Variants in SNTG1 observed in about 807,000 individuals in gnomAD.
The protein encoded by SNTG1 is syntrophin gamma 1, also known as gamma-1-syntrophin.
Under a neutral mutation model 74.7 loss-of-function variants are expected in SNTG1, and 39 were observed. That is an observed-to-expected ratio of 0.52 (90% CI 0.40 to 0.68). SNTG1 has a LOEUF of 0.68. SNTG1 is among the 30% of genes least tolerant of loss of function. The pLI, the probability that SNTG1 is intolerant of heterozygous loss-of-function variation, is 0.00. For synonymous variants in SNTG1, 254 were observed against 217.1 expected (o/e 1.17, Z -1.49); for missense variants, 685 against 609.5 (o/e 1.12, Z -1.30).
intron 2 of SNTG1, among the ~76,000 whole-genome samples, chr8:50,251,276 C>A (rs2086635204): frequency 1.3e-5 from 2 of 151,634 alleles, no homozygotes; most frequent in South Asian, 4.2e-4. Flanking sequence ...TTACAGAAAA[C>A]CACCAAACCA....
chr8:50,346,767 C>A (rs2091490772), intron 2 of SNTG1, among the ~76,000 whole-genome samples: 1 of 152,222 alleles, frequency 6.6e-6, no homozygotes, highest in Non-Finnish European at 1.5e-5. Context: ...CATTAGTGAT[C>A]TGTGTAGAAG....
chr8:50,708,637 C>G (rs1387937682), intron 16 of SNTG1: 1 of 465,112 alleles, frequency 2.2e-6, no homozygotes. Flanking sequence ...AATGTACAGA[C>G]AAAACTAGAG....
At chr8:50,650,561 A>G in intron 13 of SNTG1, among the ~76,000 whole-genome samples, 1 of 152,172 alleles carries the variant, frequency 6.6e-6, no homozygotes, top group South Asian at 2.1e-4. Context: ...AAGATTCACT[A>G]GTTCCTCAAG....
At chr8:50,513,637 A>T (rs559211279) in intron 9 of SNTG1, among the ~76,000 whole-genome samples, 1 of 152,282 alleles carries the variant, frequency 6.6e-6, no homozygotes, top group East Asian at 1.9e-4. Flanking sequence ...CCCCAGCCTC[A>T]CTGCTGCCTT....
Position 50,485,346 on chromosome 8 carries a change from G to A in SNTG1, c.364-17432G>A, listed in dbSNP as rs192050944. 9.3e-4 allele frequency among the ~76,000 whole-genome samples: 141 copies of A among 152,266 alleles called. 3 individuals are homozygous for A. In the South Asian group the frequency reaches 0.011, roughly 12 times the overall value. On this transcript the variant is annotated intron_variant, in intron 8 of 18. Transcript: ENST00000642720. Reference sequence around the variant, plus strand: ...ACTTTGAATCCTTTTATGCAGACTAGATTTGGGCCAGGGTTTTTTACATAA... The same window carrying A: ...ACTTTGAATCCTTTTATGCAGACTAAATTTGGGCCAGGGTTTTTTACATAA...
intron 13 of SNTG1, among the ~76,000 whole-genome samples, chr8:50,636,548 T>C (rs1403550327): frequency 6.6e-6 from 1 of 152,140 alleles, no homozygotes; most frequent in Admixed American, 6.5e-5. Context: ...TTGGCAGGAC[T>C]GACTTCCAAT....
intron 2 of SNTG1, among the ~76,000 whole-genome samples, chr8:50,229,406 T>C (rs965302296): frequency 6.6e-6 from 1 of 151,368 alleles, no homozygotes; most frequent in Non-Finnish European, 1.5e-5. Context: ...TAGAGAAAGA[T>C]ATACTTTACT....
intron 15 of SNTG1, among the ~76,000 whole-genome samples, chr8:50,670,205 G>C (rs191332639): frequency 6.6e-6 from 1 of 152,278 alleles, no homozygotes; most frequent in Admixed American, 6.5e-5. Context: ...GATTAAGCAG[G>C]AGAAGGAAAT....
At chr8:50,615,963 A>T (rs1256415128) in intron 13 of SNTG1, among the ~76,000 whole-genome samples, 2 of 152,210 alleles carry the variant, frequency 1.3e-5, no homozygotes, top group Non-Finnish European at 2.9e-5. Flanking sequence ...GAAACCTGTA[A>T]AACAGGCCAG....
At chr8:50,023,077 G>T (rs907608876) in intron 1 of SNTG1, among the ~76,000 whole-genome samples, 1 of 152,170 alleles carries the variant, frequency 6.6e-6, no homozygotes, top group Non-Finnish European at 1.5e-5. Flanking sequence ...GGTCCCCAAG[G>T]GGAGATCAAC....
At chr8:50,468,126 A>G (rs186769358) in intron 8 of SNTG1, among the ~76,000 whole-genome samples, 1 of 152,130 alleles carries the variant, frequency 6.6e-6, no homozygotes, top group East Asian at 1.9e-4. Context: ...TGTAAATGGT[A>G]TATTCTATAA....
chr8:50,251,432 G>A (rs2086642564), intron 2 of SNTG1, among the ~76,000 whole-genome samples: 1 of 151,800 alleles, frequency 6.6e-6, no homozygotes, highest in African/African-American at 2.4e-5. Flanking sequence ...TAGGTTTAGA[G>A]TAGTTAAAAG....
chr8:50,220,332 A>C (rs113473239), intron 2 of SNTG1, among the ~76,000 whole-genome samples: 1 of 152,320 alleles, frequency 6.6e-6, no homozygotes, highest in African/African-American at 2.4e-5. Flanking sequence ...GCACTGAAGC[A>C]CTGTCTACTT....
exon 1 of SNTG1, chr8:49,911,386 CCTGTGCGTGCGTTTTCTTTCATTT>C (rs2129332255): frequency 6.6e-6 from 1 of 151,932 alleles, no homozygotes; most frequent in South Asian, 2.1e-4. Flanking sequence ...TGTGCGCGCC[CCTGTGCGTGCGTTTTCTTTCATTT>C]CTGGCATTAG....
intron 2 of SNTG1, among the ~76,000 whole-genome samples, chr8:50,389,020 G>A (rs991319675): frequency 1.4e-4 from 21 of 152,256 alleles, no homozygotes; most frequent in African/African-American, 3.9e-4. Context: ...GGCTCTGTGT[G>A]TGTCACTTTA....
At chr8:50,310,343 C>A (rs2090060724) in intron 2 of SNTG1, among the ~76,000 whole-genome samples, 1 of 152,118 alleles carries the variant, frequency 6.6e-6, no homozygotes, top group African/African-American at 2.4e-5. Flanking sequence ...ATCCTGAATG[C>A]AGTTCTAAGA....
chr8:50,663,820 T>G (rs1009755084), intron 15 of SNTG1, among the ~76,000 whole-genome samples: 25 of 152,138 alleles, frequency 1.6e-4, no homozygotes, highest in Non-Finnish European at 3.7e-4. Flanking sequence ...TGATCCTACT[T>G]CCTACATGCA....
intron 1 of SNTG1, among the ~76,000 whole-genome samples, chr8:50,140,774 G>T (rs2081630309): frequency 6.6e-6 from 1 of 152,096 alleles, no homozygotes; most frequent in African/African-American, 2.4e-5. Flanking sequence ...CCTTCTTTAT[G>T]GGAGGATCTT....
chr8:50,248,963 G>A (rs1448537852), intron 2 of SNTG1, among the ~76,000 whole-genome samples: 5 of 152,104 alleles, frequency 3.3e-5, no homozygotes, highest in African/African-American at 1.2e-4. Context: ...CAGCATGGTG[G>A]CCATCAAGGT....
Sources: gnomAD v4.1 joint callset for allele counts (sites outside exome capture counted in the v4.1 genomes callset) on GRCh38, gnomAD v4.1.1 for gene constraint, MANE v1.5 for transcripts, NCBI Gene and HGNC (gene_info 2026-07-23, HGNC 2026-07-21) for gene names.